Variants in PECAM1 observed in about 807,000 individuals in gnomAD.
PECAM1 encodes the protein platelet endothelial cell adhesion molecule.
PECAM1 carries 8 observed loss-of-function variants against 13.8 expected under a neutral mutation model. The ratio of observed to expected loss-of-function variants is 0.58; its 90% CI spans 0.34 to 1.05. The LOEUF is 1.05. Among genes scored for constraint, PECAM1 ranks in the 50% least tolerant of loss-of-function variants. The pLI, the probability that PECAM1 is intolerant of heterozygous loss-of-function variation, is 0.03. For synonymous variants in PECAM1, 136 were observed against 52.6 expected, an observed-to-expected ratio of 2.58 and a Z score of -6.86; for missense variants, 304 against 141.2, an observed-to-expected ratio of 2.15 and a Z score of -5.84.
chr17:64,373,788 G>A (rs1049957918), intron 4 of PECAM1, among the ~76,000 whole-genome samples: 5 of 152,128 alleles, frequency 3.3e-5, no homozygotes, highest in African/African-American at 7.2e-5. Flanking sequence ...AAAAGAAGGG[G>A]ACCATTTATG....
rs1239522052 is a variant in PECAM1 at position 64,345,710 on chromosome 17, A to T, written c.2107+2550T>A. ...CCTGGGCAACAAGAGCAAGACTGTC[A>T]TAAAAAAAAAAAAAAAAAAAAAATG... On this transcript the variant is annotated intron_variant, in intron 13 of 15. Transcript: ENST00000563924. Among the ~76,000 whole-genome samples, 5 of 130,516 alleles carry T rather than the reference A, an allele frequency of 3.8e-5. 2 individuals are homozygous for T. Among genetic ancestry groups the T allele is most frequent in the Admixed American group, 3.6e-4 (5 of 13,826 alleles). 85.6% of individuals were successfully genotyped at this position (130,516 alleles called of 152,430 possible).
intron 14 of PECAM1, among the ~76,000 whole-genome samples, chr17:64,335,318 G>A (rs901668014): frequency 2.6e-5 from 4 of 151,998 alleles, no homozygotes; most frequent in Non-Finnish European, 5.9e-5. Flanking sequence ...AGGGGAGGAT[G>A]CTTGAGGCCG....
At chr17:64,361,149 G>GTGTT (rs1244020836) in intron 6 of PECAM1, among the ~76,000 whole-genome samples, 1 of 150,900 alleles carries the variant, frequency 6.6e-6, no homozygotes, top group Non-Finnish European at 1.5e-5. Flanking sequence ...GTGTGTGTGT[G>GTGTT]TGTGTGTGTG....
chr17:64,332,160 G>A (rs782119795), intron 14 of PECAM1, among the ~76,000 whole-genome samples: 1 of 152,142 alleles, frequency 6.6e-6, no homozygotes, highest in Non-Finnish European at 1.5e-5. Context: ...TTCCTCAGGG[G>A]CCCTTTTTCT....
Position 64,375,363 on chromosome 17 carries a change from G to C in PECAM1, c.386-7C>G. ...ACCCTGGGACTGGGCACTCCTACGG[G>C]GAAAGAGAAAGTCTGTCAGTATCAG... is the stretch of plus-strand genomic sequence containing the variant. On this transcript the variant is annotated splice_polypyrimidine_tract_variant and splice_region_variant and intron_variant, in intron 3 of 15. Transcript: ENST00000563924. 2.2e-6 allele frequency: 1 copy of C among 463,602 alleles called. No individual in the cohort carries two copies. Among genetic ancestry groups the C allele is most frequent in the Non-Finnish European group, 3.9e-6 (1 of 254,806 alleles). The allele number at this position is 463,602 out of a possible 1,614,324, so 28.7% of individuals were successfully genotyped here. A position where few individuals can be genotyped will look rare whatever the true frequency, so the allele number is the denominator to read the frequency against.
At chr17:64,345,597 C>A (rs1331216209) in intron 13 of PECAM1, among the ~76,000 whole-genome samples, 1 of 151,420 alleles carries the variant, frequency 6.6e-6, no homozygotes, top group Non-Finnish European at 1.5e-5. Context: ...CCTGTAACCC[C>A]AGCTACTCAG....
At chr17:64,370,730 G>A (rs1160384149) in intron 4 of PECAM1, among the ~76,000 whole-genome samples, 6 of 152,096 alleles carry the variant, frequency 3.9e-5, no homozygotes, top group Non-Finnish European at 7.4e-5. Context: ...ATACCAACCA[G>A]GGCATAGGAT....
chr17:64,337,278 C>A (rs1422714251), intron 14 of PECAM1, among the ~76,000 whole-genome samples: 12 of 152,050 alleles, frequency 7.9e-5, no homozygotes, highest in Non-Finnish European at 1.2e-4. Flanking sequence ...AGCGACAGAG[C>A]CCTGATTGAC....
At chr17:64,356,005 G>C (rs891528001) in intron 8 of PECAM1, 106 bp downstream of exon 8, 57 of 465,962 alleles carry the variant, frequency 1.2e-4, no homozygotes, top group African/African-American at 1.0e-3. Flanking sequence ...CTAGCCTTCA[G>C]TCACATAAGC....
Position 64,351,775 on chromosome 17 carries a change from T to C in PECAM1, c.1990+615A>G, listed in dbSNP as rs1300534426. Among the ~76,000 whole-genome samples, 4 of 152,286 alleles carry C rather than the reference T, an allele frequency of 2.6e-5. No individual in the cohort carries two copies. The East Asian group carries it at 7.7e-4, about 29-fold the overall frequency. Reference sequence around the variant, plus strand: ...GTCTGGGACAGGACTTTTTGTGATGTAATTATAGCCCCCTCTGGGAAGTAA... The same window carrying C: ...GTCTGGGACAGGACTTTTTGTGATGCAATTATAGCCCCCTCTGGGAAGTAA... On this transcript the variant is annotated intron_variant, in intron 11 of 15. Transcript: ENST00000563924.
chr17:64,345,288 T>G (rs1200197658), intron 13 of PECAM1, among the ~76,000 whole-genome samples: 1 of 152,146 alleles, frequency 6.6e-6, no homozygotes, highest in African/African-American at 2.4e-5. Context: ...AGGAGGGCTT[T>G]GCTGCAGTGT....
intron 3 of PECAM1, among the ~76,000 whole-genome samples, chr17:64,376,617 T>G (rs2036365259): frequency 1.3e-5 from 2 of 152,160 alleles, no homozygotes; most frequent in South Asian, 4.1e-4. Flanking sequence ...TCTCTGTCTT[T>G]ACAATTTCAC....
intron 13 of PECAM1, among the ~76,000 whole-genome samples, chr17:64,344,974 C>T (rs1288090017): frequency 6.6e-6 from 1 of 152,188 alleles, no homozygotes; most frequent in African/African-American, 2.4e-5. Context: ...CACATGCTGA[C>T]CGCCTCTGCT....
Position 64,360,794 on chromosome 17 carries a change from TACA to T in PECAM1, c.1217-382_1217-380del, listed in dbSNP as rs1422560637. ...AAAGACACAGAAAACATAGAAAAAG[TACA>T]ACAAGTAGCCAACAAAATGTGTGTG... On this transcript the variant is annotated intron_variant, in intron 6 of 15. Coordinates refer to ENST00000563924, the MANE Select transcript of PECAM1 (RefSeq NM_000442.5). Among the ~76,000 whole-genome samples, 386 of 145,578 alleles carry T rather than the reference TACA, an allele frequency of 2.7e-3. 2 individuals carry two copies. Among genetic ancestry groups the T allele is most frequent in the African/African-American group, 9.0e-3 (358 of 39,638 alleles).
chr17:64,377,083 A>G (rs1418802776), intron 3 of PECAM1, among the ~76,000 whole-genome samples: 1 of 152,196 alleles, frequency 6.6e-6, no homozygotes, highest in East Asian at 1.9e-4. Flanking sequence ...ATTGCCTGAA[A>G]TGGGTATCGT....
intron 13 of PECAM1, among the ~76,000 whole-genome samples, chr17:64,344,518 C>T (rs1353675269): frequency 6.6e-6 from 1 of 151,988 alleles, no homozygotes. Context: ...CCTTCCTGCC[C>T]CTCCTCCACC....
At chr17:64,334,243 T>C (rs1307224406) in intron 14 of PECAM1, among the ~76,000 whole-genome samples, 1 of 151,742 alleles carries the variant, frequency 6.6e-6, no homozygotes, top group Admixed American at 6.6e-5. Flanking sequence ...CGCCCAGCTC[T>C]CTCTCCTCGG....
rs975140226 is a variant in PECAM1 at position 64,382,916 on chromosome 17, T to C, written c.92-4799A>G. On this transcript the variant is annotated intron_variant, in intron 2 of 15. Transcript: ENST00000563924. ...CTAGCCAGGCGTGGTGGCAGTTGCC[T>C]GTAATCCCATCTACTCGGGAGGCTG... Among the ~76,000 whole-genome samples the C allele has an allele frequency of 1.1e-4, 17 of 152,152 alleles. No individual in the cohort carries two copies. In the East Asian group the frequency reaches 2.9e-3, roughly 26 times the overall value.
At chr17:64,379,706 T>C (rs2036439510) in intron 2 of PECAM1, among the ~76,000 whole-genome samples, 1 of 152,078 alleles carries the variant, frequency 6.6e-6, no homozygotes, top group Admixed American at 6.6e-5. Context: ...TTCAAACATC[T>C]CATGTTCTAT....
Sources: gnomAD v4.1 joint callset for allele counts (sites outside exome capture counted in the v4.1 genomes callset) on GRCh38, gnomAD v4.1.1 for gene constraint, MANE v1.5 for transcripts, NCBI Gene and HGNC (gene_info 2026-07-23, HGNC 2026-07-21) for gene names.